ALG9: variants seen among roughly 807,000 people sequenced by gnomAD.
ALG9 encodes the protein alpha-1,2-mannosyltransferase ALG9.
ALG9 carries 55 observed loss-of-function variants against 81.8 expected under a neutral mutation model. The ratio of observed to expected loss-of-function variants is 0.67; its 90% CI spans 0.54 to 0.84. ALG9 has a LOEUF of 0.84. Ranked by LOEUF, ALG9 falls within the 40% of genes least tolerant of loss-of-function variation. ALG9 has a pLI of 0.00. For missense variants in ALG9, 629 were observed against 745.0 expected (o/e 0.84, Z 1.81); for synonymous variants, 278 against 274.3 (o/e 1.01, Z -0.13).
rs371788772 is a variant in ALG9, at chr11:111,823,584, T to G, written c.1602+12581A>C. ...TCAAGGAGCTATTTAAAGCCAATGT[T>G]AAATATGGAAAGGTTACAGAAATTT... On this transcript the variant is annotated intron_variant, in intron 13 of 14. Transcript: ENST00000616540. Among the ~76,000 whole-genome samples, 16 of 152,322 alleles carry G rather than the reference T, an allele frequency of 1.1e-4. No individual in the cohort carries two copies. In the East Asian group the frequency reaches 1.3e-3, roughly 13 times the overall value.
chr11:111,863,518 A>C (rs1961107256), intron 4 of ALG9, among the ~76,000 whole-genome samples: 2 of 152,032 alleles, frequency 1.3e-5, no homozygotes, highest in Non-Finnish European at 2.9e-5. Flanking sequence ...CCTCCACTCC[A>C]CTCACAGTCA....
chr11:111,809,699 T>C lies in ALG9; in HGVS notation c.1677A>G (p.Ser559=), dbSNP rs1312484021. 4 of 1,614,170 alleles carry C rather than the reference T, an allele frequency of 2.5e-6. No homozygotes were observed. The highest frequency in any genetic ancestry group is 3.4e-6 in the Non-Finnish European group (4 of 1,180,004). ...MRETPREPKY[S]SNKEEWISLA... is the part of the protein sequence containing the mutation. ...AGCTGATCCATTCTTCTTTATTGGATGAATATTTTGGCTCCCGGGGTGTTT... is the reference window on the plus strand; with the variant it reads ...AGCTGATCCATTCTTCTTTATTGGACGAATATTTTGGCTCCCGGGGTGTTT... The change falls in exon 14 of 15, where the codon TCA becomes TCG. Residue 559 remains serine, a synonymous_variant. Transcript: ENST00000616540.
At chr11:111,850,876 A>G (rs1404444608) in intron 8 of ALG9, among the ~76,000 whole-genome samples, 2 of 152,068 alleles carry the variant, frequency 1.3e-5, no homozygotes, top group Admixed American at 1.3e-4. Context: ...CTGTTTCAAC[A>G]AAGTTTTTGC....
At chr11:111,827,367 T>C (rs1953509474) in intron 13 of ALG9, among the ~76,000 whole-genome samples, 1 of 151,892 alleles carries the variant, frequency 6.6e-6, no homozygotes, top group African/African-American at 2.4e-5. Context: ...TCCCAGCTCC[T>C]TGGAAGGCTG....
At chr11:111,777,117 G>T in the ALG9 span, among the ~76,000 whole-genome samples, 2 of 151,538 alleles carry the variant, frequency 1.3e-5, no homozygotes, top group African/African-American at 4.9e-5. Context: ...GCTGGTAATT[G>T]CCACTAAGAG....
chr11:111,774,111 C>T, the ALG9 span, among the ~76,000 whole-genome samples: 6 of 147,882 alleles, frequency 4.1e-5, no homozygotes, highest in Admixed American at 6.8e-5. Context: ...GGAGGCCGGG[C>T]GCCATGGCTC....
At chr11:111,809,830 G>A (rs781915211) in intron 13 of ALG9, 57 bp from the exon 14 acceptor site, 15 of 1,598,242 alleles carry the variant, frequency 9.4e-6, no homozygotes, top group Non-Finnish European at 1.3e-5. Flanking sequence ...CTTCAGGGTA[G>A]AGAACAGCAA....
intron 13 of ALG9, among the ~76,000 whole-genome samples, chr11:111,830,160 A>G (rs141622004): frequency 9.8e-5 from 15 of 152,344 alleles, no homozygotes; most frequent in African/African-American, 3.4e-4. Flanking sequence ...TCTTGCCACT[A>G]TCAAATAGCC....
At chr11:111,870,772 C>T (rs1964070435) in intron 1 of ALG9, 1 of 1,009,460 alleles carries the variant, frequency 9.9e-7, no homozygotes, top group East Asian at 1.1e-4. Context: ...ACTAATCACT[C>T]ACTTGAAGGC....
chr11:111,860,479 A>G (rs566360986), intron 5 of ALG9, 68 bp downstream of exon 5: 43 of 1,296,488 alleles, frequency 3.3e-5, no homozygotes, highest in Non-Finnish European at 4.6e-5. Flanking sequence ...TGAACCTGCA[A>G]TTCCCTCATC....
At chr11:111,828,607 G>A (rs782725110) in intron 13 of ALG9, among the ~76,000 whole-genome samples, 2 of 152,090 alleles carry the variant, frequency 1.3e-5, no homozygotes, top group Non-Finnish European at 2.9e-5. Flanking sequence ...AGGCAAAGAG[G>A]GAAAAATTAC....
chr11:111,788,620 C>T, intron 14 of ALG9: 1 of 374,168 alleles, frequency 2.7e-6, no homozygotes, highest in South Asian at 2.0e-5. Context: ...TGGCACACAC[C>T]CGCAGTCCCA....
At chr11:111,870,652 G>A (rs1228696550) in intron 1 of ALG9, 2 of 851,230 alleles carry the variant, frequency 2.3e-6, no homozygotes, top group South Asian at 2.8e-5. Context: ...GCCTTCTGAA[G>A]AATTGACTTT....
Position 111,855,478 on chromosome 11 carries a change from G to A in ALG9, c.702-1742C>T, listed in dbSNP as rs112975827. The stretch of plus-strand genomic sequence containing the variant: ...AGGCCGTGTAGTGATCCAGGAACAA[G>A]GGGGAGTGAAGACAAGTAATCAGAT... On this transcript the variant is annotated intron_variant, in intron 6 of 14. Transcript: ENST00000616540. Among the ~76,000 whole-genome samples the A allele has an allele frequency of 6.4e-3, 980 of 152,266 alleles. 10 individuals are homozygous for A. Among genetic ancestry groups the A allele is most frequent in the African/African-American group, 0.022 (914 of 41,546 alleles).
intron 13 of ALG9, among the ~76,000 whole-genome samples, chr11:111,820,423 G>C (rs1415641984): frequency 2.0e-5 from 3 of 152,230 alleles, no homozygotes; most frequent in Admixed American, 6.5e-5. Context: ...CAGGGCAAGA[G>C]ACAGCAAGAA....
the ALG9 span, chr11:111,771,472 C>T: frequency 1.3e-5 from 2 of 152,240 alleles, no homozygotes; most frequent in African/African-American, 4.8e-5. Flanking sequence ...CTCAAGTTTA[C>T]TAAACTTGCG....
Position 111,870,235 on chromosome 11 carries a change from C to T in ALG9, c.267G>A (p.Glu89=). ...SDCDETFNYW[E]PTHYLIYGEG... The stretch of plus-strand genomic sequence containing the variant: ...GAAAACTAAAGAAATCACCTACTGG[C>T]TCCCAGTAGTTGAATGTTTCATCAC... The change falls in exon 2 of 15, where the codon GAG becomes GAA. Residue 89 remains glutamate, a synonymous_variant. Transcript: ENST00000616540. The T allele has an allele frequency of 6.2e-7, 1 of 1,608,772 alleles. No homozygotes were observed. The highest frequency in any genetic ancestry group is 8.5e-7 in the Non-Finnish European group (1 of 1,178,516).
chr11:111,852,942 C>CA (rs71461596), intron 8 of ALG9, among the ~76,000 whole-genome samples: 11,142 of 106,086 alleles, frequency 0.11, 1,607 homozygotes, highest in African/African-American at 0.33. Context: ...AACTCCACCT[C>CA]AAAAAAAAAA....
In ALG9 at chr11:111,824,776, A is replaced by G. The variant is rs557929673; in HGVS notation, c.1602+11389T>C. Among the ~76,000 whole-genome samples, 3 of 152,354 alleles carry G rather than the reference A, an allele frequency of 2.0e-5. No homozygotes were observed. In the East Asian group the frequency reaches 5.8e-4, roughly 29 times the overall value. On this transcript the variant is annotated intron_variant, in intron 13 of 14. Transcript: ENST00000616540. ...ATTTTCATCACCCATTCAGAAGAAT[A>G]TAAATTCAATAGATAAAGTTCTACC...
Sources: allele counts gnomAD v4.1 joint callset (sites outside exome capture counted in the v4.1 genomes callset), GRCh38; gene constraint gnomAD v4.1.1; transcripts MANE v1.5; gene names NCBI Gene and HGNC (gene_info 2026-07-23, HGNC 2026-07-21).